Variants in OPRPN observed in about 807,000 individuals in gnomAD.
The protein encoded by OPRPN is basic proline-rich lacrimal protein.
Under a neutral mutation model 2.2 loss-of-function variants are expected in OPRPN, and 1 was observed. That is an observed-to-expected ratio of 0.45 (90% CI 0.16 to 2.15). The LOEUF is 2.15. Ranked by LOEUF, OPRPN falls within the 30% of genes most tolerant of loss-of-function variation. The pLI is 0.28. For synonymous variants in OPRPN, 126 were observed against 111.5 expected, an observed-to-expected ratio of 1.13 and a Z score of -0.82; for missense variants, 306 against 297.3, an observed-to-expected ratio of 1.03 and a Z score of -0.21.
chr4:70,404,980 T>C (rs1446966032), intron 2 of OPRPN, among the ~76,000 whole-genome samples: 1 of 152,204 alleles, frequency 6.6e-6, no homozygotes, highest in East Asian at 1.9e-4. Flanking sequence ...GGCTGCATAA[T>C]AATAATATTA....
chr4:70,399,949 C>T (rs1299328225), intron 2 of OPRPN, among the ~76,000 whole-genome samples: 1 of 151,910 alleles, frequency 6.6e-6, no homozygotes, highest in Non-Finnish European at 1.5e-5. Flanking sequence ...ACTCAAGAAG[C>T]ACTTACACTA....
chr4:70,404,301 T>C (rs985223532), intron 2 of OPRPN, among the ~76,000 whole-genome samples: 4 of 152,154 alleles, frequency 2.6e-5, no homozygotes, highest in African/African-American at 9.7e-5. Context: ...CAATGACGAC[T>C]CCTTGTTGGT....
At chr4:70,405,066 A>G (rs534806113) in intron 2 of OPRPN, among the ~76,000 whole-genome samples, 41 of 152,318 alleles carry the variant, frequency 2.7e-4, no homozygotes, top group African/African-American at 9.9e-4. Flanking sequence ...CTCTCCAGAA[A>G]TCCAGTGTGA....
At position 70,409,662 on chromosome 4, in the gene OPRPN, T is replaced by C. The variant is rs762126179; in HGVS notation, c.334T>C (p.Tyr112His). The change falls in exon 3 of 3, where the codon TAC becomes CAC. Residue 112 changes from tyrosine to histidine, a missense_variant. Physicochemically the swap from Tyr to His is moderately conservative, Grantham distance 83. Coordinates refer to ENST00000399575, the MANE Select transcript of OPRPN (RefSeq NM_021225.5). ...YPNLHFPLRP[Y>H]YVGPIRILKP... ...AAACCTACATTTCCCACTAAGACCT[T>C]ACTATGTAGGACCTATTAGGATATT... The C allele has an allele frequency of 9.1e-5, 147 of 1,613,892 alleles. No individual in the cohort carries two copies. Among genetic ancestry groups the C allele is most frequent in the Non-Finnish European group, 1.2e-4 (146 of 1,179,918 alleles).
At chr4:70,400,649 T>G (rs917843697) in intron 2 of OPRPN, among the ~76,000 whole-genome samples, 1 of 151,938 alleles carries the variant, frequency 6.6e-6, no homozygotes, top group African/African-American at 2.4e-5. Flanking sequence ...TTCTTGAAAT[T>G]TACTTCTCAA....
chr4:70,399,180 TA>T, intron 1 of OPRPN, 90 bp from the exon 2 acceptor site: 7 of 784,344 alleles, frequency 8.9e-6, no homozygotes, highest in Non-Finnish European at 1.2e-5. Flanking sequence ...TCATTTTACA[TA>T]ACAAGTGTTA....
At chr4:70,404,204 T>C (rs1273136678) in intron 2 of OPRPN, among the ~76,000 whole-genome samples, 1 of 152,180 alleles carries the variant, frequency 6.6e-6, no homozygotes, top group Non-Finnish European at 1.5e-5. Context: ...GATAATTATG[T>C]CTAAATTGTA....
In OPRPN at chr4:70,409,625, T is replaced by C. The variant is rs1350722296; in HGVS notation, c.297T>C (p.Phe99=). ...PLESIRQPRL[F]PGYPNLHFPL... Reference sequence around the variant, plus strand: ...AATCTATTAGACAACCTCGACTCTTTCCGGGTTATCCAAACCTACATTTCC... The same window carrying C: ...AATCTATTAGACAACCTCGACTCTTCCCGGGTTATCCAAACCTACATTTCC... The change falls in exon 3 of 3, where the codon TTT becomes TTC. Residue 99 remains phenylalanine (F), a synonymous_variant. Coordinates refer to ENST00000399575, the MANE Select transcript of OPRPN (RefSeq NM_021225.5). 1.2e-6 allele frequency: 2 copies of C among 1,614,100 alleles called. No individual in the cohort carries two copies.
intron 2 of OPRPN, among the ~76,000 whole-genome samples, chr4:70,404,801 T>C (rs1733052040): frequency 1.3e-5 from 2 of 152,150 alleles, no homozygotes; most frequent in African/African-American, 4.8e-5. Context: ...CTCCAATATA[T>C]CTATGTAACA....
intron 2 of OPRPN, among the ~76,000 whole-genome samples, chr4:70,403,531 T>C (rs571920081): frequency 3.9e-5 from 6 of 152,278 alleles, no homozygotes; most frequent in Admixed American, 3.3e-4. Flanking sequence ...TATTCATGAG[T>C]TTGCAAAAAA....
intron 2 of OPRPN, among the ~76,000 whole-genome samples, chr4:70,408,254 A>G (rs1733134761): frequency 6.6e-6 from 1 of 152,156 alleles, no homozygotes; most frequent in Non-Finnish European, 1.5e-5. Context: ...AGAGTCTTGC[A>G]CCTTCCTAAA....
Position 70,410,122 on chromosome 4 carries a change from A to C in OPRPN, c.*47A>C, listed in dbSNP as rs759623206. On this transcript the variant is annotated 3_prime_UTR_variant, in exon 3 of 3. Transcript: ENST00000399575. ...CCAAACTGCTCTGATATCTTAGAAG[A>C]AATAAACTGCAATGATTTTGATGGA... 1 of 1,395,808 alleles carries C rather than the reference A, an allele frequency of 7.2e-7. No individual in the cohort carries two copies. The highest frequency in any genetic ancestry group is 2.3e-5 in the East Asian group (1 of 43,382). The allele number at this position is 1,395,808 out of a possible 1,614,324, so 86.5% of individuals were successfully genotyped here. A position where few individuals can be genotyped will look rare whatever the true frequency, so the allele number is the denominator to read the frequency against.
intron 2 of OPRPN, among the ~76,000 whole-genome samples, chr4:70,403,187 A>G (rs1733017475): frequency 6.6e-6 from 1 of 152,250 alleles, no homozygotes; most frequent in African/African-American, 2.4e-5. Context: ...TTCAAGGGGT[A>G]TATGACTGTC....
intron 2 of OPRPN, among the ~76,000 whole-genome samples, chr4:70,401,602 A>C (rs1732985758): frequency 6.6e-6 from 1 of 152,120 alleles, no homozygotes; most frequent in African/African-American, 2.4e-5. Context: ...ACATGAGACA[A>C]ACCCTCAATA....
At chr4:70,407,859 T>TGAGTA (rs1173092397) in intron 2 of OPRPN, among the ~76,000 whole-genome samples, 1 of 152,146 alleles carries the variant, frequency 6.6e-6, no homozygotes, top group African/African-American at 2.4e-5. Context: ...AAGATATTTA[T>TGAGTA]GAGTTTTATA....
At chr4:70,400,992 CTT>C (rs1456127577) in intron 2 of OPRPN, among the ~76,000 whole-genome samples, 1 of 151,968 alleles carries the variant, frequency 6.6e-6, no homozygotes, top group African/African-American at 2.4e-5. Context: ...GAAATGCTGT[CTT>C]TGATTCTCTA....
At chr4:70,407,229 G>C (rs974453985) in intron 2 of OPRPN, among the ~76,000 whole-genome samples, 3 of 152,228 alleles carry the variant, frequency 2.0e-5, no homozygotes, top group Non-Finnish European at 4.4e-5. Flanking sequence ...AAGAGAAAGA[G>C]AATTTTATTA....
intron 2 of OPRPN, among the ~76,000 whole-genome samples, chr4:70,408,840 T>C (rs181805646): frequency 3.4e-4 from 52 of 152,320 alleles, no homozygotes; most frequent in South Asian, 8.3e-4. Context: ...CCTTGTATTG[T>C]CATTGGAGGG....
intron 2 of OPRPN, among the ~76,000 whole-genome samples, chr4:70,408,108 T>C (rs1454973447): frequency 3.3e-5 from 5 of 152,198 alleles, no homozygotes; most frequent in African/African-American, 1.2e-4. Flanking sequence ...GATTGTGGCA[T>C]TCTCCAGCAA....
Sources: gnomAD v4.1 joint callset for allele counts (sites outside exome capture counted in the v4.1 genomes callset) on GRCh38, gnomAD v4.1.1 for gene constraint, MANE v1.5 for transcripts, NCBI Gene and HGNC (gene_info 2026-07-23, HGNC 2026-07-21) for gene names.